The following KIF6 variants were observed in gnomAD, a reference collection of about 807,000 sequenced individuals.
The protein encoded by KIF6 is kinesin family member 6.
A neutral mutation model predicts 112.7 loss-of-function variants in KIF6; 106 were observed. The ratio of observed to expected loss-of-function variants is 0.94; its 90% CI spans 0.80 to 1.11. The LOEUF (loss-of-function observed/expected upper bound fraction) is 1.11. Among genes scored for constraint, KIF6 ranks in the 50% least tolerant of loss-of-function variants. The probability of loss-of-function intolerance (pLI) is 0.00; values close to 1 mark genes in which losing one functional copy is unlikely to be tolerated. For synonymous variants in KIF6, 339 were observed against 339.9 expected, an observed-to-expected ratio of 1.00 and a Z score of 0.03; for missense variants, 929 against 964.0, an observed-to-expected ratio of 0.96 and a Z score of 0.48.
intron 4 of KIF6, among the ~76,000 whole-genome samples, chr6:39,635,874 A>G (rs1784600404): frequency 6.6e-6 from 1 of 152,042 alleles, no homozygotes; most frequent in Non-Finnish European, 1.5e-5. Context: ...AAATATTATC[A>G]TGCTTCTCAT....
chr6:39,670,130 C>T (rs573621945), intron 3 of KIF6, among the ~76,000 whole-genome samples: 32 of 152,186 alleles, frequency 2.1e-4, no homozygotes, highest in Admixed American at 6.5e-4. Context: ...CTACTCTGGG[C>T]GCGGGAGAAG....
At chr6:39,431,398 G>C (rs116377861) in intron 13 of KIF6, 20 of 382,136 alleles carry the variant, frequency 5.2e-5, no homozygotes, top group Non-Finnish European at 8.4e-5. Flanking sequence ...TGTGACTCGT[G>C]GGGGGCGGGG....
chr6:39,357,769 A>G (rs889826749), intron 18 of KIF6, among the ~76,000 whole-genome samples: 3 of 152,130 alleles, frequency 2.0e-5, no homozygotes, highest in African/African-American at 4.8e-5. Flanking sequence ...TCTTAAGGGG[A>G]ACAAGCCAGC....
At chr6:39,578,896 G>A (rs1489220425) in intron 9 of KIF6, among the ~76,000 whole-genome samples, 1 of 151,988 alleles carries the variant, frequency 6.6e-6, no homozygotes, top group Non-Finnish European at 1.5e-5. Flanking sequence ...ATGTTTTTAA[G>A]CTTATTTACA....
chr6:39,362,635 T>C (rs1757363109), intron 16 of KIF6, 117 bp from the exon 17 acceptor site: 1 of 781,384 alleles, frequency 1.3e-6, no homozygotes, highest in South Asian at 1.5e-5. Flanking sequence ...CTCTGTGAGT[T>C]CCTTCTGGGG....
At chr6:39,442,898 G>A (rs915504929) in intron 13 of KIF6, among the ~76,000 whole-genome samples, 1 of 151,956 alleles carries the variant, frequency 6.6e-6, no homozygotes, top group African/African-American at 2.4e-5. Flanking sequence ...CGGATCATGA[G>A]GTCAGGAGAT....
Position 39,332,795 on chromosome 6 carries a change from T to G in KIF6, c.*3737A>C, listed in dbSNP as rs1762789257. The G allele has an allele frequency of 7.1e-6, 1 of 140,150 alleles. No individual in the cohort carries two copies. Among genetic ancestry groups the G allele is most frequent in the East Asian group, 2.5e-4 (1 of 3,998 alleles). The allele number at this position is 140,150 out of a possible 1,614,324, so 8.7% of individuals were successfully genotyped here. A position where few individuals can be genotyped will look rare whatever the true frequency, so the allele number is the denominator to read the frequency against. On this transcript the variant is annotated 3_prime_UTR_variant, in exon 23 of 23. Transcript: ENST00000287152. ...GCTCTCTCTCTTTCTCTCTCTTTTT[T>G]CTCCTCTCTCTCTCCTTCTCTCTCT...
chr6:39,473,669 G>GT (rs1581932255), intron 13 of KIF6, among the ~76,000 whole-genome samples: 1 of 152,094 alleles, frequency 6.6e-6, no homozygotes, highest in African/African-American at 2.4e-5. Flanking sequence ...GCAGGGGGCT[G>GT]TTTTTTGTTT....
rs778047629 is a variant in KIF6 at position 39,634,910 on chromosome 6, T to C, written c.448A>G (p.Asn150Asp). Residue 150 changes from asparagine to aspartate, a missense_variant, in exon 5 of 23, where the codon AAT (asparagine) becomes GAT (aspartate). Physicochemically the swap from Asn to Asp is conservative, Grantham distance 23. This residue lies in a region of KIF6 where 688 missense variants were observed against 662.7 expected (regional missense o/e 1.04). Transcript: ENST00000287152. ...TTHISYLEIY[N>D]ECGYDLLDPR... ...TCCAAAAGATCATAACCACATTCAT[T>C]GTAGATTTCCAAATAGGAAATGTGT... The C allele has an allele frequency of 6.2e-7, 1 of 1,612,626 alleles. No individual in the cohort carries two copies. The highest frequency in any genetic ancestry group is 8.5e-7 in the Non-Finnish European group (1 of 1,178,918).
At chr6:39,645,115 G>A (rs1785097525) in intron 3 of KIF6, among the ~76,000 whole-genome samples, 1 of 152,072 alleles carries the variant, frequency 6.6e-6, no homozygotes, top group Admixed American at 6.6e-5. Context: ...TATAAACCCA[G>A]AGTTTGATGA....
At chr6:39,538,453 G>A (rs372365918) in intron 13 of KIF6, among the ~76,000 whole-genome samples, 4 of 151,580 alleles carry the variant, frequency 2.6e-5, no homozygotes, top group Non-Finnish European at 4.4e-5. Context: ...GCAGCCAAAA[G>A]ACACATGAAA....
intron 15 of KIF6, among the ~76,000 whole-genome samples, chr6:39,411,379 C>T (rs1462706994): frequency 1.3e-5 from 2 of 152,230 alleles, no homozygotes; most frequent in African/African-American, 4.8e-5. Flanking sequence ...TTCTTGTCAT[C>T]ACCACACATG....
chr6:39,579,268 A>G (rs1224573394), intron 9 of KIF6, among the ~76,000 whole-genome samples: 3 of 152,028 alleles, frequency 2.0e-5, no homozygotes, highest in South Asian at 4.2e-4. Flanking sequence ...CATTTTGCCA[A>G]TCTGTTAGGT....
At chr6:39,377,363 C>A (rs1311010867) in intron 16 of KIF6, among the ~76,000 whole-genome samples, 2 of 148,028 alleles carry the variant, frequency 1.4e-5, no homozygotes, top group African/African-American at 2.5e-5. Flanking sequence ...GTCCCCCATC[C>A]CCCCCCAACC....
intron 13 of KIF6, among the ~76,000 whole-genome samples, chr6:39,473,231 ACTT>A (rs1043682328): frequency 1.2e-4 from 18 of 152,176 alleles, no homozygotes; most frequent in African/African-American, 4.3e-4. Flanking sequence ...GGCTTAAAAG[ACTT>A]CTACATCCCA....
intron 3 of KIF6, among the ~76,000 whole-genome samples, chr6:39,677,170 T>G (rs1435969451): frequency 6.6e-6 from 1 of 152,138 alleles, no homozygotes; most frequent in African/African-American, 2.4e-5. Context: ...ATAGTAGACC[T>G]ATAATTTTGT....
At chr6:39,409,688 C>G (rs1305977345) in intron 15 of KIF6, among the ~76,000 whole-genome samples, 2 of 152,264 alleles carry the variant, frequency 1.3e-5, no homozygotes, top group South Asian at 2.1e-4. Context: ...CCACATGAAG[C>G]CAGCACCAAA....
At chr6:39,496,930 A>C (rs1256314309) in intron 13 of KIF6, among the ~76,000 whole-genome samples, 1 of 152,238 alleles carries the variant, frequency 6.6e-6, no homozygotes, top group South Asian at 2.1e-4. Flanking sequence ...CAGATTTACA[A>C]AACTGCCACC....
Position 39,586,413 on chromosome 6 carries a change from A to C in KIF6, c.847-9T>G. 1 of 1,612,770 alleles carries C rather than the reference A, an allele frequency of 6.2e-7. No individual in the cohort carries two copies. The highest frequency in any genetic ancestry group is 1.7e-5 in the Admixed American group (1 of 59,934). On this transcript the variant is annotated splice_polypyrimidine_tract_variant and intron_variant, in intron 7 of 22. Coordinates refer to ENST00000287152, the MANE Select transcript of KIF6 (RefSeq NM_145027.6). ...GAAAGGGCAATGATAACCTGTGGTA[A>C]AGTAGAAAGATAATGGGATTAATTT...
Sources: gnomAD v4.1 joint callset for allele counts (sites outside exome capture counted in the v4.1 genomes callset) on GRCh38, gnomAD v4.1.1 for gene constraint, gnomAD v4.1.1 regional missense constraint, MANE v1.5 for transcripts, NCBI Gene and HGNC (gene_info 2026-07-23, HGNC 2026-07-21) for gene names.